The following NEK2 variants were observed in gnomAD, a reference collection of about 807,000 sequenced individuals.
NEK2 encodes the protein NIMA related kinase 2.
A neutral mutation model predicts 54.1 loss-of-function variants in NEK2; 28 were observed. The ratio of observed to expected loss-of-function variants is 0.52; its 90% CI spans 0.38 to 0.71. NEK2 has a LOEUF of 0.71. Among genes scored for constraint, NEK2 ranks in the 30% least tolerant of loss-of-function variants. NEK2 has a pLI of 0.00. For synonymous variants in NEK2, 176 were observed against 193.1 expected (o/e 0.91, Z 0.73); for missense variants, 407 against 531.5 (o/e 0.77, Z 2.30).
chr1:211,666,938 G>T, intron 7 of NEK2, 168 bp downstream of exon 7: 2 of 1,429,264 alleles, frequency 1.4e-6, no homozygotes, highest in Non-Finnish European at 1.8e-6. Flanking sequence ...ATAAATCATT[G>T]CTATAACAGA....
downstream of NEK2, chr1:211,660,460 T>G (rs1654989518): frequency 4.3e-6 from 3 of 695,334 alleles, no homozygotes; most frequent in Non-Finnish European, 8.1e-6. Context: ...CCAGCTGCAT[T>G]TGTTGTCCTA....
Position 211,673,706 on chromosome 1 carries a change from T to C in NEK2, c.332A>G (p.Glu111Gly). ...GTKERQYLDE[E>G]FVLRVMTQLT... is the part of the protein sequence containing the mutation. ...CTGAGTCATCACTCGAAGAACAAAC[T>C]CTTCATCTAAGTATTGCCTAAAACC... is the stretch of plus-strand genomic sequence containing the variant. Residue 111 changes from glutamate (E) to glycine (G), a missense_variant, in exon 3 of 8, where the codon GAG (glutamate) becomes GGG (glycine). Coordinates refer to ENST00000366999, the MANE Select transcript of NEK2 (RefSeq NM_002497.4). 1 of 1,614,158 alleles carries C rather than the reference T, an allele frequency of 6.2e-7. No homozygotes were observed. The highest frequency in any genetic ancestry group is 8.5e-7 in the Non-Finnish European group (1 of 1,180,012).
At chr1:211,673,385 G>C in intron 3 of NEK2, 98 bp downstream of exon 3, 1 of 1,481,754 alleles carries the variant, frequency 6.7e-7, no homozygotes, top group Non-Finnish European at 9.2e-7. Flanking sequence ...CTGCACTCCA[G>C]CCTGGGCAAC....
intron 4 of NEK2, among the ~76,000 whole-genome samples, chr1:211,670,627 T>C (rs1571645501): frequency 6.6e-6 from 1 of 152,184 alleles, no homozygotes; most frequent in African/African-American, 2.4e-5. Context: ...CTGTGCATTA[T>C]AGGTATTTTG....
At chr1:211,664,258 A>C (rs1558226662) in intron 7 of NEK2, among the ~76,000 whole-genome samples, 1 of 152,246 alleles carries the variant, frequency 6.6e-6, no homozygotes, top group East Asian at 1.9e-4. Context: ...AATAATAATC[A>C]TATTTACTTA....
downstream of NEK2, among the ~76,000 whole-genome samples, chr1:211,659,404 A>G (rs1654962664): frequency 6.6e-6 from 1 of 152,170 alleles, no homozygotes; most frequent in African/African-American, 2.4e-5. Context: ...TACTTGGAGA[A>G]TATGTTCACA....
rs145931962 is a variant in NEK2 at position 211,674,393 on chromosome 1, G to A, written c.217C>T (p.Arg73Trp). 12 of 1,613,896 alleles carry A rather than the reference G, an allele frequency of 7.4e-6. No homozygotes were observed. The highest frequency in any genetic ancestry group is 9.3e-6 in the Non-Finnish European group (11 of 1,179,950). ...KHPNIVRYYD[R>W]IIDRTNTTLY... ...GTTGTATTGGTCCGGTCAATAATCC[G>A]ATCATAGTAACGAACGATGTTTGGA... Residue 73 changes from arginine (R) to tryptophan (W), a missense_variant, in exon 2 of 8, where the codon CGG (arginine) becomes TGG (tryptophan). Coordinates refer to ENST00000366999, the MANE Select transcript of NEK2 (RefSeq NM_002497.4).
At chr1:211,666,747 C>G (rs552760793) in intron 7 of NEK2, 1 of 401,494 alleles carries the variant, frequency 2.5e-6, no homozygotes. Flanking sequence ...TGCAGTGAGC[C>G]GAGATTGTGC....
At chr1:211,668,858 G>A (rs1448755797) in intron 6 of NEK2, among the ~76,000 whole-genome samples, 4 of 152,136 alleles carry the variant, frequency 2.6e-5, no homozygotes, top group Non-Finnish European at 5.9e-5. Context: ...CAAGGCTATC[G>A]TATTAGGGCC....
At chr1:211,662,142 T>A (rs144612966), downstream of NEK2, among the ~76,000 whole-genome samples, 374 of 152,290 alleles carry the variant, frequency 2.5e-3, 1 homozygote, top group African/African-American at 8.4e-3. This position sits in a 1 kb window ranked among gnomAD's most constrained non-coding sequence, Gnocchi z 4.2. Context: ...TCCATCCACA[T>A]CTCTTAAACC....
rs932183775 is a variant in NEK2, at chr1:211,666,867, G to A, written c.1111+239C>T. On this transcript the variant is annotated intron_variant, in intron 7 of 7. Coordinates refer to ENST00000366999, the MANE Select transcript of NEK2 (RefSeq NM_002497.4). ...AATTACTAAACATGTAGTTTGATAAGGTAAAGAAAATCAAACATGAAATTC... is the reference window on the plus strand; with the variant it reads ...AATTACTAAACATGTAGTTTGATAAAGTAAAGAAAATCAAACATGAAATTC... 16 of 1,242,532 alleles carry A rather than the reference G, an allele frequency of 1.3e-5. No individual in the cohort carries two copies. In the Admixed American group the frequency reaches 5.3e-4, roughly 41 times the overall value. 77.0% of individuals were successfully genotyped at this position (1,242,532 alleles called of 1,614,324 possible).
chr1:211,658,782 A>G (rs894570944), downstream of NEK2: 11 of 305,506 alleles, frequency 3.6e-5, no homozygotes, highest in Non-Finnish European at 4.5e-5. Context: ...TCAAGAAGGG[A>G]AATGTAAATG....
intron 6 of NEK2, among the ~76,000 whole-genome samples, chr1:211,667,891 C>T (rs1385815464): frequency 6.6e-6 from 1 of 151,818 alleles, no homozygotes; most frequent in Non-Finnish European, 1.5e-5. Context: ...ACTAAAAAAT[C>T]AAAAATTAGC....
chr1:211,669,370 T>C (rs752290213), intron 5 of NEK2, 38 bp from the exon 6 acceptor site: 9 of 1,560,334 alleles, frequency 5.8e-6, no homozygotes, highest in Middle Eastern at 1.7e-4. Flanking sequence ...TCAGATTGCA[T>C]AACAGAATAG....
intron 7 of NEK2, among the ~76,000 whole-genome samples, chr1:211,664,597 G>C: frequency 6.6e-6 from 1 of 152,194 alleles, no homozygotes; most frequent in East Asian, 1.9e-4. Context: ...CCACAGGGCT[G>C]TCTGGATGAA....
chr1:211,662,292 C>A (rs184476467), downstream of NEK2, among the ~76,000 whole-genome samples: 8 of 152,272 alleles, frequency 5.3e-5, no homozygotes, highest in Non-Finnish European at 1.2e-4. The surrounding 1 kb of genome is among the most constrained non-coding windows in gnomAD (Gnocchi z 4.2). Flanking sequence ...GGATTTTAAT[C>A]TTTCAGGATT....
At chr1:211,662,649 G>T, downstream of NEK2, 1 of 316,822 alleles carries the variant, frequency 3.2e-6, no homozygotes. The surrounding 1 kb of genome is among the most constrained non-coding windows in gnomAD (Gnocchi z 4.2). Flanking sequence ...TACAGTTTAG[G>T]ACTGGAATGC....
At chr1:211,673,777 A>G in intron 2 of NEK2, 54 bp from the exon 3 acceptor site, 1 of 1,555,976 alleles carries the variant, frequency 6.4e-7, no homozygotes, top group Non-Finnish European at 8.8e-7. Context: ...CATTGCCAAG[A>G]TGGGATGATA....
At chr1:211,661,785 GT>G (rs1345050790), downstream of NEK2, among the ~76,000 whole-genome samples, 1 of 152,188 alleles carries the variant, frequency 6.6e-6, no homozygotes, top group Non-Finnish European at 1.5e-5. Flanking sequence ...AGTGTCTTTG[GT>G]TCACAAGGTC....
Sources: allele counts gnomAD v4.1 joint callset (sites outside exome capture counted in the v4.1 genomes callset), GRCh38; gene constraint gnomAD v4.1.1; non-coding constraint Gnocchi (gnomAD v3.1); transcripts MANE v1.5; gene names NCBI Gene and HGNC (gene_info 2026-07-23, HGNC 2026-07-21).